ADAD1: variants seen among roughly 807,000 people sequenced by gnomAD.
ADAD1 encodes the protein adenosine deaminase domain-containing protein 1.
A neutral mutation model predicts 66.8 loss-of-function variants in ADAD1; 46 were observed. That is an observed-to-expected ratio of 0.69 (90% confidence interval 0.54 to 0.88). The LOEUF is 0.88. Ranked by LOEUF, ADAD1 falls within the 40% of genes least tolerant of loss-of-function variation. ADAD1 has a pLI of 0.00. For missense variants in ADAD1, 617 were observed against 681.8 expected, an observed-to-expected ratio of 0.91 and a Z score of 1.06; for synonymous variants, 248 against 229.4, an observed-to-expected ratio of 1.08 and a Z score of -0.73.
intron 5 of ADAD1, among the ~76,000 whole-genome samples, chr4:122,386,217 T>C (rs1043850788): frequency 6.6e-6 from 1 of 152,196 alleles, no homozygotes; most frequent in African/African-American, 2.4e-5. Flanking sequence ...GTTTCCTGAC[T>C]TTTTAGTAAT....
In ADAD1 at chr4:122,415,596, G is replaced by A. The variant is rs753798163; in HGVS notation, c.1467G>A (p.Leu489=). 8.7e-6 allele frequency: 14 copies of A among 1,613,352 alleles called. No individual in the cohort carries two copies. In the Admixed American group the frequency reaches 1.2e-4, roughly 13 times the overall value. ...TTTCTTTGGAGATTGTGGATGGCCTGAGTGGGAAGATCACTGAAAGGTTAA... is the reference window on the plus strand; with the variant it reads ...TTTCTTTGGAGATTGTGGATGGCCTAAGTGGGAAGATCACTGAAAGGTTAA... ...GDVSLEIVDG[L]SGKITESSPF... The change falls in exon 11 of 13, where the codon CTG becomes CTA. Residue 489 remains leucine (L), a synonymous_variant. Coordinates refer to ENST00000296513, the MANE Select transcript of ADAD1 (RefSeq NM_139243.4).
chr4:122,406,767 G>A (rs967130957), intron 7 of ADAD1, among the ~76,000 whole-genome samples: 3 of 151,932 alleles, frequency 2.0e-5, no homozygotes, highest in African/African-American at 4.8e-5. Flanking sequence ...CAGTGTGCAC[G>A]TGTTATTTCT....
intron 5 of ADAD1, among the ~76,000 whole-genome samples, chr4:122,385,940 C>T (rs1211959705): frequency 1.3e-5 from 2 of 152,142 alleles, no homozygotes; most frequent in Admixed American, 6.5e-5. Context: ...TCCATTCTAT[C>T]ATTGATGGCC....
chr4:122,415,411 G>C lies in ADAD1; in HGVS notation c.1282G>C (p.Glu428Gln), dbSNP rs764379993. 3 of 1,613,732 alleles carry C rather than the reference G, an allele frequency of 1.9e-6. No homozygotes were observed. The highest frequency in any genetic ancestry group is 2.5e-6 in the Non-Finnish European group (3 of 1,179,798). Residue 428 changes from glutamate (E) to glutamine (Q), a missense_variant, in exon 11 of 13, where the codon GAA (glutamate) becomes CAA (glutamine). Physicochemically the swap from Glu to Gln is conservative, Grantham distance 29. Coordinates refer to ENST00000296513, the MANE Select transcript of ADAD1 (RefSeq NM_139243.4). ...DGNCSDTRGL[E>Q]IAIKQRVDDA... ...GAATTGCAGTGATACCAGAGGCTTA[G>C]AAATCGCTATAAAGCAACGTGTTGA...
chr4:122,421,446 G>T, intron 12 of ADAD1, 56 bp downstream of exon 12: 2 of 1,369,040 alleles, frequency 1.5e-6, no homozygotes, highest in Non-Finnish European at 9.6e-7. Flanking sequence ...ACATTAATGT[G>T]GTCATTTTAA....
intron 5 of ADAD1, among the ~76,000 whole-genome samples, chr4:122,389,945 C>T (rs1336595783): frequency 1.3e-5 from 2 of 152,158 alleles, no homozygotes; most frequent in East Asian, 1.9e-4. Context: ...CTAGTTTATT[C>T]ATAGTGTCAT....
chr4:122,423,283 G>T (rs1359812543), intron 12 of ADAD1, among the ~76,000 whole-genome samples: 1 of 152,214 alleles, frequency 6.6e-6, no homozygotes, highest in Admixed American at 6.5e-5. Context: ...CTGGCCCAAG[G>T]TTGCCATCCT....
At chr4:122,416,130 A>G (rs1444258935) in intron 11 of ADAD1, among the ~76,000 whole-genome samples, 3 of 151,918 alleles carry the variant, frequency 2.0e-5, no homozygotes, top group Non-Finnish European at 4.4e-5. Flanking sequence ...TTATTTATTT[A>G]TTTTTTACAG....
chr4:122,385,344 C>G (rs1356746166), intron 5 of ADAD1, among the ~76,000 whole-genome samples: 1 of 152,166 alleles, frequency 6.6e-6, no homozygotes, highest in Non-Finnish European at 1.5e-5. Flanking sequence ...GCGATCTCTG[C>G]TCACTGCAAC....
At chr4:122,382,679 A>G (rs1018571564) in intron 4 of ADAD1, among the ~76,000 whole-genome samples, 1 of 152,254 alleles carries the variant, frequency 6.6e-6, no homozygotes, top group East Asian at 1.9e-4. Context: ...TCAGCTTCCC[A>G]AAGTGATGGG....
chr4:122,419,563 A>G (rs1472249711), intron 11 of ADAD1, among the ~76,000 whole-genome samples: 4 of 152,156 alleles, frequency 2.6e-5, no homozygotes, highest in Admixed American at 6.5e-5. Flanking sequence ...CCTCCTCTCC[A>G]CCACACAAAA....
chr4:122,414,711 G>A (rs1458379145), intron 10 of ADAD1, among the ~76,000 whole-genome samples: 1 of 152,072 alleles, frequency 6.6e-6, no homozygotes, highest in Non-Finnish European at 1.5e-5. Context: ...AAAGAGATAT[G>A]CTTTAGAATT....
chr4:122,412,853 C>A (rs1001515715), intron 10 of ADAD1, 44 bp downstream of exon 10: 1 of 1,487,944 alleles, frequency 6.7e-7, no homozygotes, highest in Admixed American at 1.8e-5. Context: ...ACTCACTAAG[C>A]AAATTCTCTG....
At chr4:122,413,257 A>T (rs1010264283) in intron 10 of ADAD1, among the ~76,000 whole-genome samples, 33 of 152,204 alleles carry the variant, frequency 2.2e-4, no homozygotes, top group African/African-American at 7.7e-4. Flanking sequence ...TTAAAGCATT[A>T]TTTTACTTTT....
chr4:122,396,970 A>C (rs560292689), intron 7 of ADAD1, among the ~76,000 whole-genome samples: 1 of 152,290 alleles, frequency 6.6e-6, no homozygotes, highest in East Asian at 1.9e-4. Flanking sequence ...TAATGCAAAA[A>C]GTGTGTGAGA....
At chr4:122,408,882 CAAAA>C (rs11347269) in intron 8 of ADAD1, among the ~76,000 whole-genome samples, 1 of 143,070 alleles carries the variant, frequency 7.0e-6, no homozygotes, top group Non-Finnish European at 1.5e-5. Flanking sequence ...CATCTTGTCT[CAAAA>C]AAAAAAAAAT....
chr4:122,415,141 G>A (rs1264666092), intron 10 of ADAD1, among the ~76,000 whole-genome samples: 1 of 152,124 alleles, frequency 6.6e-6, no homozygotes. Context: ...ATTCAGTAGA[G>A]GGACCTGTCA....
In ADAD1 at chr4:122,398,320, GT is replaced by G. The variant is rs1426382257; in HGVS notation, c.724+1944del. Among the ~76,000 whole-genome samples, 6 of 23,316 alleles carry G rather than the reference GT, an allele frequency of 2.6e-4. No individual in the cohort carries two copies. In the South Asian group the frequency reaches 0.012, roughly 47 times the overall value. 15.3% of individuals were successfully genotyped at this position (23,316 alleles called of 152,430 possible). A position where few individuals can be genotyped will look rare whatever the true frequency, so the allele number is the denominator to read the frequency against. On this transcript the variant is annotated intron_variant, in intron 7 of 12. Coordinates refer to ENST00000296513, the MANE Select transcript of ADAD1 (RefSeq NM_139243.4). ...TCCAGGCTGAGTAGTATTCCAGGGT[GT>G]GTGTGTGTGTGTGTGTGTGTGTGTG... is the stretch of plus-strand genomic sequence containing the variant.
At chr4:122,411,746 T>G (rs1644610830) in intron 9 of ADAD1, among the ~76,000 whole-genome samples, 1 of 152,146 alleles carries the variant, frequency 6.6e-6, no homozygotes, top group Non-Finnish European at 1.5e-5. Context: ...AATATTCCAG[T>G]GTGAAAAAAA....
Sources: allele counts gnomAD v4.1 joint callset (sites outside exome capture counted in the v4.1 genomes callset), GRCh38; gene constraint gnomAD v4.1.1; transcripts MANE v1.5; gene names NCBI Gene and HGNC (gene_info 2026-07-23, HGNC 2026-07-21).